Variants in NSUN6 observed in about 807,000 individuals in gnomAD.
NSUN6 encodes tRNA (cytosine(72)-C(5))-methyltransferase NSUN6.
NSUN6 carries 64 observed loss-of-function variants against 58.0 expected under a neutral mutation model. That is an observed-to-expected ratio of 1.10 (90% confidence interval 0.90 to 1.36). NSUN6 has a LOEUF of 1.36. Ranked by LOEUF, NSUN6 falls within the 40% of genes most tolerant of loss-of-function variation. The probability of loss-of-function intolerance (pLI) is 0.00; values close to 1 mark genes in which losing one functional copy is unlikely to be tolerated. For synonymous variants in NSUN6, 231 were observed against 193.9 expected, an observed-to-expected ratio of 1.19 and a Z score of -1.59; for missense variants, 701 against 550.1, an observed-to-expected ratio of 1.27 and a Z score of -2.74.
intron 2 of NSUN6, among the ~76,000 whole-genome samples, chr10:18,646,703 C>T (rs1373774835): frequency 6.6e-6 from 1 of 152,084 alleles, no homozygotes; most frequent in East Asian, 1.9e-4. Flanking sequence ...ATGTAGCAGG[C>T]GTCTGTAGTC....
chr10:18,556,857 GAAGGAAGGGAATGGAATGGAGA>G lies in NSUN6; in HGVS notation c.923-4908_923-4887del, dbSNP rs1258572119. 4.0e-3 allele frequency among the ~76,000 whole-genome samples: 600 copies of G among 148,796 alleles called. 3 individuals carry two copies. The highest frequency in any genetic ancestry group is 0.014 in the African/African-American group (559 of 40,704). ...GAGAATGCAAGGGAATGGAATGGAG[GAAGGAAGGGAATGGAATGGAGA>G]AAGGAAGGGAATGGAATGGAAAATG... On this transcript the variant is annotated intron_variant, in intron 8 of 10. Coordinates refer to ENST00000377304, the MANE Select transcript of NSUN6 (RefSeq NM_182543.5).
At chr10:18,594,655 T>C (rs946052066) in intron 7 of NSUN6, among the ~76,000 whole-genome samples, 3 of 152,168 alleles carry the variant, frequency 2.0e-5, no homozygotes, top group African/African-American at 7.2e-5. Context: ...TTTCACATGT[T>C]GGCCTGGATG....
chr10:18,606,846 G>T (rs1345213695), intron 6 of NSUN6, among the ~76,000 whole-genome samples: 1 of 152,172 alleles, frequency 6.6e-6, no homozygotes, highest in Non-Finnish European at 1.5e-5. Flanking sequence ...CAAATTCACT[G>T]CAGTCTTGGT....
chr10:18,650,841 AG>A (rs2131609896), intron 1 of NSUN6, among the ~76,000 whole-genome samples: 1 of 152,382 alleles, frequency 6.6e-6, no homozygotes, highest in East Asian at 1.9e-4. Flanking sequence ...TCTTGAAGAC[AG>A]GGACCTTTTC....
chr10:18,631,044 G>T (rs1290291124), intron 3 of NSUN6, among the ~76,000 whole-genome samples: 5 of 151,968 alleles, frequency 3.3e-5, no homozygotes, highest in Admixed American at 1.3e-4. Context: ...ACATCAAAAA[G>T]CTTATCCACC....
At chr10:18,614,003 C>T (rs1013900237) in intron 5 of NSUN6, among the ~76,000 whole-genome samples, 2 of 152,098 alleles carry the variant, frequency 1.3e-5, no homozygotes, top group African/African-American at 4.8e-5. Flanking sequence ...CAAACCTAAA[C>T]ATTCATTTTT....
intron 3 of NSUN6, 89 bp from the exon 4 acceptor site, chr10:18,616,382 C>T (rs898795124): frequency 1.3e-6 from 1 of 755,610 alleles, no homozygotes; most frequent in African/African-American, 1.7e-5. Context: ...TCTAATGCCT[C>T]TTTAGTCTTA....
chr10:18,632,845 C>T lies in NSUN6; in HGVS notation c.311+9631G>A, dbSNP rs1428043708. ...AGTTCAACCATTGTGGAAGTCAGTGCAGTGATTCCTCAGGGATCTAGAACT... is the reference window on the plus strand; with the variant it reads ...AGTTCAACCATTGTGGAAGTCAGTGTAGTGATTCCTCAGGGATCTAGAACT... On this transcript the variant is annotated intron_variant, in intron 3 of 10. Transcript: ENST00000377304. 1.1e-4 allele frequency among the ~76,000 whole-genome samples: 17 copies of T among 152,272 alleles called. No individual in the cohort carries two copies. The South Asian group carries it at 2.3e-3, about 20-fold the overall frequency.
At chr10:18,617,568 C>T (rs1267089714) in intron 3 of NSUN6, among the ~76,000 whole-genome samples, 6 of 152,154 alleles carry the variant, frequency 3.9e-5, no homozygotes, top group Non-Finnish European at 8.8e-5. Context: ...TCAACAAGTC[C>T]TAAACAATAA....
In NSUN6 at chr10:18,548,128, A is replaced by G. The variant is rs762542795; in HGVS notation, c.1181T>C (p.Leu394Pro). Residue 394 changes from leucine to proline, a missense_variant, in exon 10 of 11, where the codon CTT becomes CCT. By Grantham distance (98) the Leu-to-Pro change is moderately conservative (BLOSUM62 -3). Transcript: ENST00000377304. ...TACTCCTACCTGGGGCTGAAGCTGA[A>G]GGCAAGGAAATTTTGTCAGGGCCCA... is the stretch of plus-strand genomic sequence containing the variant. ...VAWALTKFPC[L>P]QLQPQEPQIG... The G allele has an allele frequency of 1.9e-5, 30 of 1,613,796 alleles. No homozygotes were observed. Among genetic ancestry groups the G allele is most frequent in the African/African-American group, 2.7e-5 (2 of 74,932 alleles).
At position 18,596,933 on chromosome 10, in the gene NSUN6, G is replaced by A. The variant is rs138088331; in HGVS notation, c.658-606C>T. Among the ~76,000 whole-genome samples, 741 of 152,146 alleles carry A rather than the reference G, an allele frequency of 4.9e-3. 18 individuals carry two copies. The highest frequency in any genetic ancestry group is 0.028 in the Admixed American group (428 of 15,276). ...AGAATATAACTTTGCCATTTTGGCC[G>A]CCTCATCATCTAACTCTCATTTAAG... On this transcript the variant is annotated intron_variant, in intron 6 of 10. Transcript: ENST00000377304.
intron 6 of NSUN6, among the ~76,000 whole-genome samples, chr10:18,599,639 T>A (rs956491290): frequency 2.0e-5 from 3 of 152,146 alleles, no homozygotes; most frequent in Admixed American, 6.5e-5. Context: ...GAATCACCTA[T>A]GAAAGCTTTC....
At chr10:18,600,913 G>C (rs1197082824) in intron 6 of NSUN6, among the ~76,000 whole-genome samples, 2 of 62,108 alleles carry the variant, frequency 3.2e-5, no homozygotes, top group Non-Finnish European at 6.9e-5. Context: ...GAGTGAAAGA[G>C]CAAGACTCCA....
At chr10:18,601,340 C>T (rs984423801) in intron 6 of NSUN6, among the ~76,000 whole-genome samples, 8 of 152,046 alleles carry the variant, frequency 5.3e-5, no homozygotes, top group Non-Finnish European at 1.0e-4. Context: ...AATGAAACTA[C>T]GTCACAGACT....
At chr10:18,555,252 G>A (rs2054906182) in intron 8 of NSUN6, among the ~76,000 whole-genome samples, 1 of 150,248 alleles carries the variant, frequency 6.7e-6, no homozygotes, top group Admixed American at 6.7e-5. Context: ...GAGTATAGAG[G>A]AAAGTAACTG....
chr10:18,630,908 C>T (rs542921085), intron 3 of NSUN6, among the ~76,000 whole-genome samples: 5 of 152,062 alleles, frequency 3.3e-5, no homozygotes, highest in Admixed American at 1.3e-4. Flanking sequence ...TTTTATGAGG[C>T]CAGCATCATC....
At chr10:18,582,195 T>C (rs2056934848) in intron 8 of NSUN6, among the ~76,000 whole-genome samples, 1 of 152,220 alleles carries the variant, frequency 6.6e-6, no homozygotes, top group Non-Finnish European at 1.5e-5. Context: ...TTCTGTCTTC[T>C]GGGAGACTAC....
intron 3 of NSUN6, among the ~76,000 whole-genome samples, chr10:18,640,150 C>T (rs2059347536): frequency 6.6e-6 from 1 of 152,104 alleles, no homozygotes; most frequent in Admixed American, 6.5e-5. Context: ...TTTAAGTGAA[C>T]ACAAAAGCAA....
chr10:18,595,796 A>G (rs2057561878), intron 7 of NSUN6, among the ~76,000 whole-genome samples: 1 of 152,132 alleles, frequency 6.6e-6, no homozygotes, highest in African/African-American at 2.4e-5. Context: ...ATGTATGTGT[A>G]TATGTTTATG....
Sources: gnomAD v4.1 joint callset for allele counts (sites outside exome capture counted in the v4.1 genomes callset) on GRCh38, gnomAD v4.1.1 for gene constraint, MANE v1.5 for transcripts, NCBI Gene and HGNC (gene_info 2026-07-23, HGNC 2026-07-21) for gene names.